IQCM: variants seen among roughly 807,000 people sequenced by gnomAD.
IQCM encodes IQ motif containing M.
In IQCM, 45 loss-of-function variants were observed where a neutral mutation model predicts 57.6. The ratio of observed to expected loss-of-function variants is 0.78; its 90% CI spans 0.62 to 1.00. The LOEUF is 1.00. Ranked by LOEUF, IQCM falls within the 50% of genes least tolerant of loss-of-function variation. The pLI, the probability that IQCM is intolerant of heterozygous loss-of-function variation, is 0.00. For missense variants in IQCM, 468 were observed against 511.6 expected (o/e 0.91, Z 0.82); for synonymous variants, 148 against 158.9 (o/e 0.93, Z 0.51).
chr4:149,474,197 A>G (rs949059049), intron 12 of IQCM, among the ~76,000 whole-genome samples: 1 of 152,026 alleles, frequency 6.6e-6, no homozygotes, highest in Non-Finnish European at 1.5e-5. Flanking sequence ...AATAATAATA[A>G]TGATAATAGT....
At chr4:149,619,988 C>G (rs1348978111) in intron 8 of IQCM, among the ~76,000 whole-genome samples, 1 of 152,008 alleles carries the variant, frequency 6.6e-6, no homozygotes, top group Non-Finnish European at 1.5e-5. Context: ...GAAACCCCGT[C>G]TCTACTAAAA....
At chr4:149,661,040 T>G (rs1760152465) in intron 7 of IQCM, among the ~76,000 whole-genome samples, 1 of 151,794 alleles carries the variant, frequency 6.6e-6, no homozygotes, top group South Asian at 2.1e-4. Context: ...GATAAATGGG[T>G]ATCTTTGTCT....
intron 13 of IQCM, among the ~76,000 whole-genome samples, chr4:149,353,051 G>T (rs189529359): frequency 1.3e-5 from 2 of 152,240 alleles, no homozygotes; most frequent in African/African-American, 4.8e-5. Flanking sequence ...CTGGGTTAAT[G>T]TATCTCCATA....
intron 2 of IQCM, among the ~76,000 whole-genome samples, chr4:149,783,493 A>C (rs1480653123): frequency 6.6e-6 from 1 of 152,178 alleles, no homozygotes; most frequent in African/African-American, 2.4e-5. Context: ...GATATTCTTC[A>C]TATAGCAACA....
intron 5 of IQCM, among the ~76,000 whole-genome samples, chr4:149,687,328 G>A (rs972836155): frequency 1.3e-4 from 19 of 151,406 alleles, no homozygotes; most frequent in Non-Finnish European, 2.8e-4. Context: ...ATTAACTACA[G>A]TCGGCCTTCG....
chr4:149,502,388 C>T (rs546591932), intron 12 of IQCM, among the ~76,000 whole-genome samples: 17 of 152,236 alleles, frequency 1.1e-4, no homozygotes, highest in African/African-American at 3.9e-4. Context: ...AGGCTGGGTG[C>T]ATGCCTTTAA....
chr4:149,578,519 CAGTT>C (rs908070676), intron 9 of IQCM, among the ~76,000 whole-genome samples: 8 of 151,714 alleles, frequency 5.3e-5, no homozygotes, highest in African/African-American at 1.7e-4. Flanking sequence ...CATCCCAACA[CAGTT>C]ATTTATTCCT....
chr4:149,807,094 T>C (rs2150060279), intron 2 of IQCM, among the ~76,000 whole-genome samples: 2 of 151,846 alleles, frequency 1.3e-5, no homozygotes, highest in South Asian at 4.2e-4. Flanking sequence ...TCCAAAACAA[T>C]CTACATATCC....
At chr4:149,478,335 T>G (rs922467477) in intron 12 of IQCM, among the ~76,000 whole-genome samples, 4 of 152,164 alleles carry the variant, frequency 2.6e-5, no homozygotes, top group Non-Finnish European at 1.5e-5. Context: ...CACTGGAGAC[T>G]GTTGATTGTA....
intron 12 of IQCM, among the ~76,000 whole-genome samples, chr4:149,487,197 T>G (rs1446564012): frequency 6.6e-6 from 1 of 152,130 alleles, no homozygotes; most frequent in Non-Finnish European, 1.5e-5. Context: ...GATTCCCTTT[T>G]GGTCCAGGGT....
intron 5 of IQCM, among the ~76,000 whole-genome samples, chr4:149,704,759 G>A (rs886913122): frequency 6.6e-6 from 1 of 151,922 alleles, no homozygotes. Context: ...TACTGTGTGT[G>A]TCTGTGAGGA....
At chr4:149,477,291 C>T (rs1194345537) in intron 12 of IQCM, among the ~76,000 whole-genome samples, 1 of 152,084 alleles carries the variant, frequency 6.6e-6, no homozygotes, top group Non-Finnish European at 1.5e-5. Context: ...CTCAGCTAAA[C>T]CCAAATGAGG....
chr4:149,544,090 G>A (rs1748142605), intron 12 of IQCM, among the ~76,000 whole-genome samples: 1 of 151,980 alleles, frequency 6.6e-6, no homozygotes, highest in Non-Finnish European at 1.5e-5. Context: ...ACTAGTATGT[G>A]AGCCCTTTCT....
intron 9 of IQCM, among the ~76,000 whole-genome samples, chr4:149,585,134 A>G (rs973117233): frequency 6.6e-6 from 1 of 151,748 alleles, no homozygotes; most frequent in Non-Finnish European, 1.5e-5. Flanking sequence ...AGACTCTCTT[A>G]TATTTACTGT....
intron 12 of IQCM, among the ~76,000 whole-genome samples, chr4:149,485,113 C>A (rs1741328602): frequency 6.6e-6 from 1 of 151,956 alleles, no homozygotes; most frequent in Non-Finnish European, 1.5e-5. Flanking sequence ...TTATCTGTTT[C>A]TTTTCTCTTG....
intron 13 of IQCM, among the ~76,000 whole-genome samples, chr4:149,366,981 G>A (rs1415505317): frequency 2.0e-5 from 3 of 151,950 alleles, no homozygotes; most frequent in Admixed American, 6.6e-5. Flanking sequence ...AACTAACAAT[G>A]AGAATAATAA....
At chr4:149,656,152 A>G (rs1759618970) in intron 7 of IQCM, among the ~76,000 whole-genome samples, 1 of 152,148 alleles carries the variant, frequency 6.6e-6, no homozygotes. Context: ...AGGAGAGCAT[A>G]CATAAAAGAA....
intron 2 of IQCM, among the ~76,000 whole-genome samples, chr4:149,751,398 T>G (rs1001443923): frequency 6.6e-6 from 1 of 152,216 alleles, no homozygotes; most frequent in Non-Finnish European, 1.5e-5. Context: ...CAGATGGGAC[T>G]GGGTTCAAGC....
At chr4:149,506,336 C>T (rs1378281909) in intron 12 of IQCM, among the ~76,000 whole-genome samples, 3 of 152,100 alleles carry the variant, frequency 2.0e-5, no homozygotes, top group Non-Finnish European at 2.9e-5. Context: ...ATTATATATC[C>T]CTACAAGAAT....
Sources: allele counts gnomAD v4.1 joint callset (sites outside exome capture counted in the v4.1 genomes callset), GRCh38; gene constraint gnomAD v4.1.1; transcripts MANE v1.5; gene names NCBI Gene and HGNC (gene_info 2026-07-23, HGNC 2026-07-21).